KIF15: variants seen among roughly 807,000 people sequenced by gnomAD.
KIF15 encodes kinesin family member 15, also known as kinesin-like protein KIF15.
A neutral mutation model predicts 190.6 loss-of-function variants in KIF15; 140 were observed. That is an observed-to-expected ratio of 0.73 (90% CI 0.64 to 0.84). The LOEUF (loss-of-function observed/expected upper bound fraction) is 0.84. Ranked by LOEUF, KIF15 falls within the 40% of genes least tolerant of loss-of-function variation. The pLI, the probability that KIF15 is intolerant of heterozygous loss-of-function variation, is 0.00. For synonymous variants in KIF15, 528 were observed against 551.3 expected (o/e 0.96, Z 0.59); for missense variants, 1,372 against 1,584.4 (o/e 0.87, Z 2.28).
intron 17 of KIF15, among the ~76,000 whole-genome samples, chr3:44,811,599 C>T (rs145055767): frequency 0.019 from 2,830 of 152,066 alleles, 74 homozygotes; most frequent in African/African-American, 0.063. Flanking sequence ...GAGCCGAGAT[C>T]GCGCCACTGC....
chr3:44,772,175 A>C (rs1004112763), intron 1 of KIF15, among the ~76,000 whole-genome samples: 1 of 152,190 alleles, frequency 6.6e-6, no homozygotes, highest in Non-Finnish European at 1.5e-5. Context: ...CTGTTCACCA[A>C]TTTCGTAACT....
rs73829681 is a variant in KIF15 at position 44,761,964 on chromosome 3, C to T, written c.19+80C>T. 336 of 1,583,042 alleles carry T rather than the reference C, an allele frequency of 2.1e-4. No homozygotes were observed. The African/African-American group carries it at 4.0e-3, about 19-fold the overall frequency. On this transcript the variant is annotated intron_variant, in intron 1 of 34. Transcript: ENST00000326047. ...GAAAGGATGGCAGCCTCGGACCGCC[C>T]GCAAGGTTCTTGCTAGGCATGAACT...
At chr3:44,833,908 G>A (rs1698189082) in intron 26 of KIF15, among the ~76,000 whole-genome samples, 2 of 152,180 alleles carry the variant, frequency 1.3e-5, no homozygotes, top group South Asian at 2.1e-4. Flanking sequence ...AAGATGATGG[G>A]CTAAAAATTC....
intron 3 of KIF15, among the ~76,000 whole-genome samples, chr3:44,776,855 G>A (rs890070497): frequency 2.6e-5 from 4 of 152,162 alleles, no homozygotes; most frequent in African/African-American, 9.7e-5. Context: ...TGCCTCAGAT[G>A]CACTAGTCAC....
Position 44,814,893 on chromosome 3 carries a change from G to A in KIF15, c.2384-18G>A. On this transcript the variant is annotated intron_variant, in intron 19 of 34. Transcript: ENST00000326047. ...GCTTTAAGAAACCTACTGAGGATAT[G>A]TTTTCTTTGTTTTTTAGTTTTGAAA... The A allele has an allele frequency of 3.2e-6, 5 of 1,567,698 alleles. No individual in the cohort carries two copies. The highest frequency in any genetic ancestry group is 4.3e-6 in the Non-Finnish European group (5 of 1,161,220).
In KIF15 at chr3:44,801,443, A is replaced by G; in HGVS notation, c.1223-7A>G. ...TCATCTTCCCTTTCTTATTGGATCA[A>G]TTACAGACAAAAAGAAGACTAACTA... On this transcript the variant is annotated splice_polypyrimidine_tract_variant and splice_region_variant and intron_variant, in intron 11 of 34. Coordinates refer to ENST00000326047, the MANE Select transcript of KIF15 (RefSeq NM_020242.3). 1 of 1,513,550 alleles carries G rather than the reference A, an allele frequency of 6.6e-7. No homozygotes were observed. Among genetic ancestry groups the G allele is most frequent in the Non-Finnish European group, 9.1e-7 (1 of 1,096,604 alleles). The allele number at this position is 1,513,550 out of a possible 1,614,324, so 93.8% of individuals were successfully genotyped here.
chr3:44,762,638 G>T (rs571267696), intron 1 of KIF15, among the ~76,000 whole-genome samples: 137 of 152,292 alleles, frequency 9.0e-4, no homozygotes, highest in African/African-American at 3.1e-3. Flanking sequence ...ATGAGGAGAG[G>T]CCTGGATTAG....
intron 7 of KIF15, among the ~76,000 whole-genome samples, chr3:44,789,119 T>A (rs568766411): frequency 1.3e-5 from 2 of 152,314 alleles, no homozygotes; most frequent in African/African-American, 4.8e-5. Context: ...TTTCAGTTTA[T>A]CCTGGGTTTA....
chr3:44,797,564 T>C lies in KIF15; in HGVS notation c.863T>C (p.Ile288Thr). Residue 288 changes from isoleucine (I) to threonine (T), a missense_variant, in exon 9 of 35, where the codon ATA becomes ACA. By Grantham distance (89) the Ile-to-Thr change is moderately conservative. Transcript: ENST00000326047. Reference sequence around the variant, plus strand: ...TCAACACTTTAGGAAGCAGGTAACATAAATCGATCATTGAGCTGCCTGGGC... The same window carrying C: ...TCAACACTTTAGGAAGCAGGTAACACAAATCGATCATTGAGCTGCCTGGGC... Reference protein sequence around the residue: ...EGMRLKEAGNINRSLSCLGQV... With the variant: ...EGMRLKEAGNTNRSLSCLGQV... 1 of 1,613,992 alleles carries C rather than the reference T, an allele frequency of 6.2e-7. No homozygotes were observed. Among genetic ancestry groups the C allele is most frequent in the Non-Finnish European group, 8.5e-7 (1 of 1,179,964 alleles).
rs1357540072 is a variant in KIF15 at position 44,813,860 on chromosome 3, C to T, written c.2383+680C>T. ...CATGAACTCCTGACCTCAGGTGATC[C>T]ACCCACCTCGGCCTCCCAAAGTGCT... On this transcript the variant is annotated intron_variant, in intron 19 of 34. Coordinates refer to ENST00000326047, the MANE Select transcript of KIF15 (RefSeq NM_020242.3). 5.3e-5 allele frequency among the ~76,000 whole-genome samples: 8 copies of T among 152,240 alleles called. No individual in the cohort carries two copies. The East Asian group carries it at 1.5e-3, about 29-fold the overall frequency.
At chr3:44,842,073 T>A (rs1179336569) in intron 29 of KIF15, among the ~76,000 whole-genome samples, 1 of 152,240 alleles carries the variant, frequency 6.6e-6, no homozygotes, top group Non-Finnish European at 1.5e-5. Context: ...GATGTAGTTT[T>A]ACATTTATAT....
intron 7 of KIF15, among the ~76,000 whole-genome samples, chr3:44,790,556 A>G (rs749077213): frequency 1.1e-4 from 16 of 152,138 alleles, no homozygotes; most frequent in Non-Finnish European, 1.2e-4. Context: ...ATTTTCACCT[A>G]TAATTATTTA....
At position 44,843,282 on chromosome 3, in the gene KIF15, G is replaced by C. The variant is rs752796404; in HGVS notation, c.3695+48G>C. The C allele has an allele frequency of 1.0e-5, 13 of 1,289,078 alleles. No individual in the cohort carries two copies. The South Asian group carries it at 1.4e-4, about 14-fold the overall frequency. The allele number at this position is 1,289,078 out of a possible 1,614,324, so 79.9% of individuals were successfully genotyped here. A position where few individuals can be genotyped will look rare whatever the true frequency, so the allele number is the denominator to read the frequency against. ...CTATGGGCTAAATCTTGGCCTGCCT[G>C]TGTGGAGTTAAATGAGGTTGGAATT... On this transcript the variant is annotated intron_variant, in intron 30 of 34. Transcript: ENST00000326047.
chr3:44,848,057 AGT>A lies in KIF15; in HGVS notation c.3768+1_3768+2del. On this transcript the variant is annotated splice_donor_variant, in intron 31 of 34. Transcript: ENST00000326047. LOFTEE classifies it high-confidence loss of function. ...AAAGTATCAAAGAAAGACTTGCAAA[AGT>A]AAGATTTTTTTTTATGTAATAGTTT... 1 of 1,587,966 alleles carries A rather than the reference AGT, an allele frequency of 6.3e-7. No individual in the cohort carries two copies. The highest frequency in any genetic ancestry group is 8.6e-7 in the Non-Finnish European group (1 of 1,158,500).
At chr3:44,788,237 A>G (rs1456846157) in intron 7 of KIF15, among the ~76,000 whole-genome samples, 2 of 152,212 alleles carry the variant, frequency 1.3e-5, no homozygotes, top group Non-Finnish European at 2.9e-5. Context: ...ATAATCAGCC[A>G]CCTTGCTGTC....
chr3:44,846,114 T>C (rs114098174), intron 30 of KIF15, among the ~76,000 whole-genome samples: 2,835 of 152,298 alleles, frequency 0.019, 76 homozygotes, highest in African/African-American at 0.063. Context: ...GCAGCAGTAG[T>C]TATGGCAGTG....
rs938465743 is a variant in KIF15 at position 44,838,531 on chromosome 3, T to G, written c.3318+110T>G. On this transcript the variant is annotated intron_variant, in intron 27 of 34. Transcript: ENST00000326047. ...GGCCAAGGGGGTGGACCACTTGAAGTCAGGAGTTCAAGAGCAGTCTGGCCA... is the reference window on the plus strand; with the variant it reads ...GGCCAAGGGGGTGGACCACTTGAAGGCAGGAGTTCAAGAGCAGTCTGGCCA... 4.6e-6 allele frequency: 5 copies of G among 1,097,304 alleles called. No homozygotes were observed. In the African/African-American group the frequency reaches 6.5e-5, roughly 14 times the overall value. The allele number at this position is 1,097,304 out of a possible 1,614,324, so 68.0% of individuals were successfully genotyped here.
In KIF15 at chr3:44,794,387, A is replaced by G. The variant is rs747887844; in HGVS notation, c.810A>G (p.Glu270=). 7 of 1,611,182 alleles carry G rather than the reference A, an allele frequency of 4.3e-6. No individual in the cohort carries two copies. Among genetic ancestry groups the G allele is most frequent in the Admixed American group, 1.7e-5 (1 of 59,666 alleles). Residue 270 remains glutamate (E), a synonymous_variant, in exon 8 of 35, where the codon GAA becomes GAG. Transcript: ENST00000326047. The part of the protein sequence containing the change: ...LLNLVDLAGS[E]RQKDTHAEGM... Reference sequence around the variant, plus strand: ...ACCTGGTGGATTTAGCAGGATCTGAAAGGCAAAAAGATACCCATGCAGAAG... The same window carrying G: ...ACCTGGTGGATTTAGCAGGATCTGAGAGGCAAAAAGATACCCATGCAGAAG...
At chr3:44,868,212 C>G (rs1461734952) in intron 6 of KIF15, among the ~76,000 whole-genome samples, 1 of 152,132 alleles carries the variant, frequency 6.6e-6, no homozygotes, top group Non-Finnish European at 1.5e-5. Flanking sequence ...TATACAACAT[C>G]AATATATGGC....
Sources: allele counts gnomAD v4.1 joint callset (sites outside exome capture counted in the v4.1 genomes callset), GRCh38; gene constraint gnomAD v4.1.1; transcripts MANE v1.5; gene names NCBI Gene and HGNC (gene_info 2026-07-23, HGNC 2026-07-21).